The following FZD3 variants were observed in gnomAD, a reference collection of about 807,000 sequenced individuals.
FZD3 encodes frizzled-3.
In FZD3, 30 loss-of-function variants were observed where a neutral mutation model predicts 60.7. The ratio of observed to expected loss-of-function variants is 0.49; its 90% CI spans 0.37 to 0.67. FZD3 has a LOEUF of 0.67. Ranked by LOEUF, FZD3 falls within the 30% of genes least tolerant of loss-of-function variation. The probability of loss-of-function intolerance (pLI) is 0.00; values close to 1 mark genes in which losing one functional copy is unlikely to be tolerated. For synonymous variants in FZD3, 246 were observed against 275.2 expected (o/e 0.89, Z 1.05); for missense variants, 605 against 838.7 (o/e 0.72, Z 3.44).
At chr8:28,529,190 A>G (rs1804797523) in intron 5 of FZD3, among the ~76,000 whole-genome samples, 1 of 152,108 alleles carries the variant, frequency 6.6e-6, no homozygotes, top group African/African-American at 2.4e-5. Context: ...AGATGCTGGT[A>G]TTAACAGGCG....
At position 28,565,030 on chromosome 8, in the gene FZD3, G is replaced by A. The variant is rs900927082; in HGVS notation, c.*2019G>A. On this transcript the variant is annotated 3_prime_UTR_variant, in exon 8 of 8. Coordinates refer to ENST00000240093, the MANE Select transcript of FZD3 (RefSeq NM_017412.4). Reference sequence around the variant, plus strand: ...ACTGCTATAGTACATTCCTTGACGTGTGTTGAATTCATGTATACTTTCTTT... The same window carrying A: ...ACTGCTATAGTACATTCCTTGACGTATGTTGAATTCATGTATACTTTCTTT... The A allele has an allele frequency of 6.6e-6, 1 of 151,420 alleles. No individual in the cohort carries two copies. The highest frequency in any genetic ancestry group is 6.6e-5 in the Admixed American group (1 of 15,154). The allele number at this position is 151,420 out of a possible 1,614,324, so 9.4% of individuals were successfully genotyped here.
In FZD3 at chr8:28,499,812, A is replaced by G. The variant is rs546478123; in HGVS notation, c.-390-121A>G. On this transcript the variant is annotated intron_variant, in intron 1 of 7. Transcript: ENST00000240093. ...CTGTTTGTATTTCTTTTGTAAATTT[A>G]TGTCCTTTGCTTATTTTTCTATTAA... The G allele has an allele frequency of 2.0e-5, 3 of 152,054 alleles. No homozygotes were observed. In the South Asian group the frequency reaches 6.2e-4, roughly 32 times the overall value. 9.4% of individuals were successfully genotyped at this position (152,054 alleles called of 1,614,324 possible). A position where few individuals can be genotyped will look rare whatever the true frequency, so the allele number is the denominator to read the frequency against.
intron 4 of FZD3, among the ~76,000 whole-genome samples, chr8:28,525,014 C>T (rs957167215): frequency 2.6e-5 from 4 of 152,224 alleles, no homozygotes; most frequent in African/African-American, 9.6e-5. Context: ...GTCTCATTCT[C>T]ACTGCCTTAT....
intron 3 of FZD3, chr8:28,505,299 C>T (rs1804106774): frequency 6.5e-6 from 1 of 154,300 alleles, no homozygotes; most frequent in Admixed American, 6.5e-5. Context: ...CTAGGTGTAG[C>T]ATCTTTCAGC....
At chr8:28,503,434 T>A (rs1432850205) in intron 3 of FZD3, among the ~76,000 whole-genome samples, 1 of 152,206 alleles carries the variant, frequency 6.6e-6, no homozygotes, top group Non-Finnish European at 1.5e-5. Flanking sequence ...ATAAAGAAAT[T>A]TGAAACATCA....
chr8:28,507,507 T>C lies in FZD3; in HGVS notation c.189+4305T>C, dbSNP rs555184877. Reference sequence around the variant, plus strand: ...CTCTTTTTATAAATGTTAGCAGCCATTGATGATTTCCTAGACCAATAGTTT... The same window carrying C: ...CTCTTTTTATAAATGTTAGCAGCCACTGATGATTTCCTAGACCAATAGTTT... On this transcript the variant is annotated intron_variant, in intron 3 of 7. Coordinates refer to ENST00000240093, the MANE Select transcript of FZD3 (RefSeq NM_017412.4). 3.3e-5 allele frequency among the ~76,000 whole-genome samples: 5 copies of C among 152,330 alleles called. No homozygotes were observed. The East Asian group carries it at 5.8e-4, about 18-fold the overall frequency.
At position 28,528,140 on chromosome 8, in the gene FZD3, A is replaced by G; in HGVS notation, c.1380A>G (p.Glu460=). The G allele has an allele frequency of 6.2e-7, 1 of 1,613,048 alleles. No individual in the cohort carries two copies. Among genetic ancestry groups the G allele is most frequent in the Non-Finnish European group, 8.5e-7 (1 of 1,179,474 alleles). The change falls in exon 5 of 8, where the codon GAA becomes GAG. Residue 460 remains glutamate (E), a synonymous_variant. Coordinates refer to ENST00000240093, the MANE Select transcript of FZD3 (RefSeq NM_017412.4). ...CGTGGATACAAGAACGCTGCAGAGA[A>G]TATCACATTCCATGTCCATATCAGG... ...ETTWIQERCR[E]YHIPCPYQVT...
intron 3 of FZD3, among the ~76,000 whole-genome samples, chr8:28,516,839 C>G (rs1255533100): frequency 6.6e-6 from 1 of 151,784 alleles, no homozygotes; most frequent in African/African-American, 2.4e-5. Context: ...GTTGTGCATT[C>G]TTTTATTGTT....
In FZD3 at chr8:28,527,209, C is replaced by G. The variant is rs1376120495; in HGVS notation, c.449C>G (p.Thr150Ser). Residue 150 changes from threonine to serine, a missense_variant, in exon 5 of 8, where the codon ACT becomes AGT. Physicochemically the swap from Thr to Ser is moderately conservative, Grantham distance 58. Coordinates refer to ENST00000240093, the MANE Select transcript of FZD3 (RefSeq NM_017412.4). This position sits in a 1 kb window ranked among gnomAD's most constrained non-coding sequence, Gnocchi z 5.0. The stretch of plus-strand genomic sequence containing the variant: ...GATCTGAATTTAGCTGGAGAACCAA[C>G]TGAAGGAGCCCCAGTGGCAGTGCAG... Reference protein sequence around the residue: ...LVDLNLAGEPTEGAPVAVQRD... With the variant: ...LVDLNLAGEPSEGAPVAVQRD... 80 of 1,613,714 alleles carry G rather than the reference C, an allele frequency of 5.0e-5. No homozygotes were observed. Among genetic ancestry groups the G allele is most frequent in the Non-Finnish European group, 6.8e-5 (80 of 1,179,830 alleles).
At chr8:28,538,781 T>G (rs576662468) in intron 5 of FZD3, among the ~76,000 whole-genome samples, 1 of 151,164 alleles carries the variant, frequency 6.6e-6, no homozygotes, top group East Asian at 1.9e-4. Context: ...TATTCTCCCA[T>G]AAACCACAAC....
In FZD3 at chr8:28,520,872, G is replaced by A. The variant is rs112453513; in HGVS notation, c.386+38G>A. The A allele has an allele frequency of 1.6e-5, 21 of 1,329,396 alleles. No individual in the cohort carries two copies. In the African/African-American group the frequency reaches 2.1e-4, roughly 13 times the overall value. The allele number at this position is 1,329,396 out of a possible 1,614,324, so 82.4% of individuals were successfully genotyped here. A position where few individuals can be genotyped will look rare whatever the true frequency, so the allele number is the denominator to read the frequency against. On this transcript the variant is annotated intron_variant, in intron 4 of 7. Transcript: ENST00000240093. Reference sequence around the variant, plus strand: ...TAGATTTTCATGGATCATTTCTTATGTTGCAATATGTTTAAAAGTACTTGT... The same window carrying A: ...TAGATTTTCATGGATCATTTCTTATATTGCAATATGTTTAAAAGTACTTGT...
intron 3 of FZD3, among the ~76,000 whole-genome samples, chr8:28,515,893 AG>A (rs1804415223): frequency 6.6e-6 from 1 of 152,146 alleles, no homozygotes; most frequent in African/African-American, 2.4e-5. Flanking sequence ...CATATACAAA[AG>A]CTTTTATTTT....
intron 1 of FZD3, among the ~76,000 whole-genome samples, chr8:28,495,153 GT>G (rs1229552770): frequency 3.3e-5 from 5 of 152,346 alleles, no homozygotes; most frequent in African/African-American, 7.2e-5. Flanking sequence ...GGAGTCTTGA[GT>G]TCGATCCCTC....
intron 1 of FZD3, among the ~76,000 whole-genome samples, chr8:28,495,571 G>A (rs973620887): frequency 1.3e-5 from 2 of 152,118 alleles, no homozygotes; most frequent in South Asian, 2.1e-4. Flanking sequence ...TGGTGTGCTG[G>A]TGCCATTCCT....
At chr8:28,502,257 ATACT>A (rs1804015185) in intron 2 of FZD3, among the ~76,000 whole-genome samples, 1 of 152,202 alleles carries the variant, frequency 6.6e-6, no homozygotes, top group African/African-American at 2.4e-5. Context: ...ATACAAAAAT[ATACT>A]ATTAAAGATT....
rs927287943 is a variant in FZD3, at chr8:28,567,701, G to A, written c.*4690G>A. ...ATTAGACCAGTGTTCATTTGGTACA[G>A]TCTTTAAATCGGTCATCCAATTAAC... is the stretch of plus-strand genomic sequence containing the variant. On this transcript the variant is annotated 3_prime_UTR_variant, in exon 8 of 8. Transcript: ENST00000240093. The A allele has an allele frequency of 6.6e-6, 1 of 152,172 alleles. No individual in the cohort carries two copies. Among genetic ancestry groups the A allele is most frequent in the African/African-American group, 2.4e-5 (1 of 41,444 alleles). 9.4% of individuals were successfully genotyped at this position (152,172 alleles called of 1,614,324 possible).
At chr8:28,531,379 CTA>C (rs1295691398) in intron 5 of FZD3, among the ~76,000 whole-genome samples, 1 of 152,048 alleles carries the variant, frequency 6.6e-6, no homozygotes, top group Non-Finnish European at 1.5e-5. Context: ...TATTGTATAA[CTA>C]TACTGCAATT....
chr8:28,558,945 C>G (rs1805565364), intron 7 of FZD3, among the ~76,000 whole-genome samples: 1 of 151,926 alleles, frequency 6.6e-6, no homozygotes, highest in African/African-American at 2.4e-5. Flanking sequence ...AAAGATAAGA[C>G]ATACACATAT....
intron 5 of FZD3, among the ~76,000 whole-genome samples, chr8:28,542,236 A>G (rs1411483048): frequency 6.6e-6 from 1 of 151,850 alleles, no homozygotes; most frequent in Non-Finnish European, 1.5e-5. Flanking sequence ...TGTTCTTCAG[A>G]GACAGCAAAC....
Sources: allele counts gnomAD v4.1 joint callset (sites outside exome capture counted in the v4.1 genomes callset), GRCh38; gene constraint gnomAD v4.1.1; non-coding constraint Gnocchi (gnomAD v3.1); transcripts MANE v1.5; gene names NCBI Gene and HGNC (gene_info 2026-07-23, HGNC 2026-07-21).